PRKG1: variants seen among roughly 807,000 people sequenced by gnomAD.
The protein encoded by PRKG1 is cGMP-dependent protein kinase 1.
A neutral mutation model predicts 88.1 loss-of-function variants in PRKG1; 35 were observed. That is an observed-to-expected ratio of 0.40 (90% CI 0.30 to 0.53). The LOEUF (loss-of-function observed/expected upper bound fraction) is 0.53, where lower values mean the gene tolerates loss of function less well. PRKG1 is among the 20% of genes least tolerant of loss of function. The pLI, the probability that PRKG1 is intolerant of heterozygous loss-of-function variation, is 0.59. For missense variants in PRKG1, 540 were observed against 839.8 expected (o/e 0.64, Z 4.41); for synonymous variants, 303 against 292.5 (o/e 1.04, Z -0.37).
intron 3 of PRKG1, among the ~76,000 whole-genome samples, chr10:51,486,680 G>C (rs1207088775): frequency 6.6e-6 from 1 of 152,044 alleles, no homozygotes; most frequent in African/African-American, 2.4e-5. Context: ...GACTGGCAAA[G>C]CTTTAACTTT....
At chr10:51,264,338 G>T (rs1839787854) in intron 2 of PRKG1, among the ~76,000 whole-genome samples, 1 of 152,160 alleles carries the variant, frequency 6.6e-6, no homozygotes, top group African/African-American at 2.4e-5. Flanking sequence ...ATTGTTGATT[G>T]TAAATTGAGC....
At chr10:51,075,739 T>A (rs552480975) in intron 1 of PRKG1, among the ~76,000 whole-genome samples, 1 of 152,326 alleles carries the variant, frequency 6.6e-6, no homozygotes, top group East Asian at 1.9e-4. Flanking sequence ...CTGGCATTGT[T>A]CTAGCCTTTT....
intron 3 of PRKG1, among the ~76,000 whole-genome samples, chr10:51,567,356 T>A (rs1037910243): frequency 6.6e-6 from 1 of 152,022 alleles, no homozygotes; most frequent in African/African-American, 2.4e-5. Context: ...CCTTTCCCTG[T>A]CAAAGCCCAT....
At chr10:51,616,677 T>G (rs540384284) in intron 3 of PRKG1, among the ~76,000 whole-genome samples, 4 of 152,098 alleles carry the variant, frequency 2.6e-5, no homozygotes, top group Admixed American at 2.0e-4. Context: ...CTCTGGGTGG[T>G]GTGTGCAGTT....
chr10:51,362,431 T>C lies in PRKG1; in HGVS notation c.479-105292T>C, dbSNP rs537583673. ...TTTTTTTTTGGATAGTAAATGTAAA[T>C]ATATATTCATTAAATTTTTAGAAAA... On this transcript the variant is annotated intron_variant, in intron 2 of 17. Transcript: ENST00000373980. Among the ~76,000 whole-genome samples, 25 of 151,818 alleles carry C rather than the reference T, an allele frequency of 1.6e-4. 1 individual carries two copies. The South Asian group carries it at 4.8e-3, about 29-fold the overall frequency.
chr10:51,002,455 A>AT (rs1842899496), intron 1 of PRKG1, among the ~76,000 whole-genome samples: 1 of 152,172 alleles, frequency 6.6e-6, no homozygotes, highest in South Asian at 2.1e-4. Flanking sequence ...GTATCTAAAT[A>AT]TTTTTAAGAG....
chr10:51,612,342 T>A (rs1486629488), intron 3 of PRKG1, among the ~76,000 whole-genome samples: 1 of 152,086 alleles, frequency 6.6e-6, no homozygotes, highest in East Asian at 1.9e-4. Flanking sequence ...CTTATAGAGA[T>A]CTTTCACCTT....
At chr10:51,886,569 A>C (rs973559274) in intron 4 of PRKG1, among the ~76,000 whole-genome samples, 4 of 152,210 alleles carry the variant, frequency 2.6e-5, no homozygotes, top group Non-Finnish European at 5.9e-5. Context: ...AATCACGGGC[A>C]ACTTGGAGGA....
chr10:51,554,812 T>C (rs1837268562), intron 3 of PRKG1, among the ~76,000 whole-genome samples: 1 of 151,828 alleles, frequency 6.6e-6, no homozygotes, highest in African/African-American at 2.4e-5. Flanking sequence ...GGTAAAGAGT[T>C]CTATATTCAA....
intron 1 of PRKG1, among the ~76,000 whole-genome samples, chr10:51,057,833 A>G (rs1196869938): frequency 6.6e-6 from 1 of 152,142 alleles, no homozygotes; most frequent in Non-Finnish European, 1.5e-5. Context: ...TCTTGCACAC[A>G]TTATTTGGTG....
At chr10:51,473,138 A>T (rs1356525739) in intron 3 of PRKG1, among the ~76,000 whole-genome samples, 1 of 151,886 alleles carries the variant, frequency 6.6e-6, no homozygotes, top group Non-Finnish European at 1.5e-5. Flanking sequence ...TTTTCATTGC[A>T]TTTATCTATT....
chr10:51,207,997 C>T (rs553158035), intron 2 of PRKG1, among the ~76,000 whole-genome samples: 96 of 152,282 alleles, frequency 6.3e-4, no homozygotes, highest in Non-Finnish European at 1.2e-3. Flanking sequence ...AACTGAATGT[C>T]TTTGATGCAG....
intron 2 of PRKG1, among the ~76,000 whole-genome samples, chr10:51,280,217 T>TAG (rs2132199133): frequency 6.6e-6 from 1 of 152,360 alleles, no homozygotes; most frequent in African/African-American, 2.4e-5. Flanking sequence ...TACTGGCTTG[T>TAG]AGAGTTTCTG....
chr10:51,654,117 A>G (rs1840105839), intron 3 of PRKG1, among the ~76,000 whole-genome samples: 1 of 152,068 alleles, frequency 6.6e-6, no homozygotes, highest in Non-Finnish European at 1.5e-5. Flanking sequence ...AATGTCAAGA[A>G]ACTTTTTGCC....
intron 5 of PRKG1, among the ~76,000 whole-genome samples, chr10:51,978,201 A>G (rs753269764): frequency 6.6e-6 from 1 of 151,914 alleles, no homozygotes; most frequent in Non-Finnish European, 1.5e-5. Flanking sequence ...TTCCAGCACC[A>G]TTTATTGAAT....
intron 5 of PRKG1, among the ~76,000 whole-genome samples, chr10:52,034,513 C>T (rs1845554909): frequency 6.6e-6 from 1 of 151,866 alleles, no homozygotes; most frequent in East Asian, 1.9e-4. Flanking sequence ...AGGAGAAAAA[C>T]AGGTATAAAA....
In PRKG1 at chr10:52,142,429, G is replaced by A. The variant is rs141597121; in HGVS notation, c.1001+8524G>A. ...TTGGAGTCATGAAAATGAATAAATC[G>A]TATGATAGTCCACCTGAAAAAGAGG... On this transcript the variant is annotated intron_variant, in intron 8 of 17. Coordinates refer to ENST00000373980, the MANE Select transcript of PRKG1 (RefSeq NM_006258.4). Among the ~76,000 whole-genome samples the A allele has an allele frequency of 3.1e-3, 476 of 152,192 alleles. 3 individuals carry two copies. The highest frequency in any genetic ancestry group is 8.6e-3 in the African/African-American group (356 of 41,536).
intron 3 of PRKG1, among the ~76,000 whole-genome samples, chr10:51,663,439 T>A (rs1180743547): frequency 6.6e-6 from 1 of 152,004 alleles, no homozygotes; most frequent in Non-Finnish European, 1.5e-5. Context: ...ATGTGGTGAC[T>A]CATGACTATA....
At chr10:51,817,748 T>A (rs1055220903) in intron 4 of PRKG1, among the ~76,000 whole-genome samples, 1 of 152,208 alleles carries the variant, frequency 6.6e-6, no homozygotes, top group East Asian at 1.9e-4. Flanking sequence ...TAAATGAGTA[T>A]GAAAAGTAGT....
Sources: allele counts gnomAD v4.1 joint callset (sites outside exome capture counted in the v4.1 genomes callset), GRCh38; gene constraint gnomAD v4.1.1; transcripts MANE v1.5; gene names NCBI Gene and HGNC (gene_info 2026-07-23, HGNC 2026-07-21).